Variants in TCTN2 observed in about 807,000 individuals in gnomAD.
TCTN2 encodes the protein tectonic family member 2.
Under a neutral mutation model 83.4 loss-of-function variants are expected in TCTN2, and 66 were observed. The ratio of observed to expected loss-of-function variants is 0.79; its 90% CI spans 0.65 to 0.97. The LOEUF (loss-of-function observed/expected upper bound fraction) is 0.97. TCTN2 is among the 50% of genes least tolerant of loss of function. The pLI is 0.00. For synonymous variants in TCTN2, 301 were observed against 326.7 expected, an observed-to-expected ratio of 0.92 and a Z score of 0.85; for missense variants, 794 against 858.1, an observed-to-expected ratio of 0.93 and a Z score of 0.93.
intron 14 of TCTN2, among the ~76,000 whole-genome samples, chr12:123,700,864 C>T (rs76575894): frequency 6.6e-6 from 1 of 152,172 alleles, no homozygotes; most frequent in South Asian, 2.1e-4. Flanking sequence ...AAGAGGATCG[C>T]TGGAGCCTAG....
intron 14 of TCTN2, among the ~76,000 whole-genome samples, chr12:123,703,356 A>G (rs1956194065): frequency 1.3e-5 from 2 of 151,508 alleles, no homozygotes; most frequent in Non-Finnish European, 2.9e-5. Flanking sequence ...CAATTTTTGT[A>G]TTTTTAGTAG....
At chr12:123,684,779 C>T (rs552824163) in intron 5 of TCTN2, among the ~76,000 whole-genome samples, 16 of 151,936 alleles carry the variant, frequency 1.1e-4, no homozygotes, top group African/African-American at 3.9e-4. Flanking sequence ...CGGCCGGGCA[C>T]GGTGGCTCAC....
At chr12:123,679,354 A>G in intron 5 of TCTN2, 65 bp downstream of exon 5, 1 of 1,412,550 alleles carries the variant, frequency 7.1e-7, no homozygotes. Flanking sequence ...AGTTCCACCA[A>G]CAGCTTTTTT....
chr12:123,685,884 T>G (rs998470196), intron 5 of TCTN2, among the ~76,000 whole-genome samples: 4 of 148,676 alleles, frequency 2.7e-5, no homozygotes. Flanking sequence ...CCACCATGCC[T>G]GGCTAATTTT....
chr12:123,694,793 C>A, intron 9 of TCTN2, 49 bp from the exon 10 acceptor site: 1 of 1,596,622 alleles, frequency 6.3e-7, no homozygotes, highest in Non-Finnish European at 8.6e-7. Flanking sequence ...GTAACAGAGT[C>A]AGGCTCAAAG....
chr12:123,689,552 G>T (rs1477984498), intron 7 of TCTN2, among the ~76,000 whole-genome samples: 1 of 152,088 alleles, frequency 6.6e-6, no homozygotes, highest in Non-Finnish European at 1.5e-5. Flanking sequence ...ACATGAGCAG[G>T]TTTGTTATAT....
In TCTN2 at chr12:123,671,199, G is replaced by A; in HGVS notation, c.-42G>A. On this transcript the variant is annotated 5_prime_UTR_variant, in exon 1 of 18. It removes an upstream start codon present in the reference 5' UTR. Coordinates refer to ENST00000303372, the MANE Select transcript of TCTN2 (RefSeq NM_024809.5). The stretch of plus-strand genomic sequence containing the variant: ...GTCTGAGTCCTTCCTGGGTTCTAAT[G>A]AGGGCGCGGTTCTGCTGTGCCCGGC... 1.9e-6 allele frequency: 3 copies of A among 1,582,936 alleles called. No individual in the cohort carries two copies. Among genetic ancestry groups the A allele is most frequent in the Non-Finnish European group, 2.6e-6 (3 of 1,161,682 alleles).
intron 5 of TCTN2, 38 bp from the exon 6 acceptor site, chr12:123,686,797 AC>A (rs1408577899): frequency 1.2e-6 from 2 of 1,606,228 alleles, no homozygotes; most frequent in East Asian, 4.5e-5. Context: ...GGAGATCCTG[AC>A]CACGGTCACA....
Position 123,671,195 on chromosome 12 carries a change from TA to T in TCTN2, c.-44del. The T allele has an allele frequency of 6.4e-7, 1 of 1,572,468 alleles. No homozygotes were observed. ...TCGTGTCTGAGTCCTTCCTGGGTTC[TA>T]ATGAGGGCGCGGTTCTGCTGTGCCC... On this transcript the variant is annotated 5_prime_UTR_variant, in exon 1 of 18. In the 5' UTR this introduces an upstream ATG that the reference lacks. Coordinates refer to ENST00000303372, the MANE Select transcript of TCTN2 (RefSeq NM_024809.5).
chr12:123,685,863 A>G (rs1338738482), intron 5 of TCTN2, among the ~76,000 whole-genome samples: 1 of 149,648 alleles, frequency 6.7e-6, no homozygotes, highest in Non-Finnish European at 1.5e-5. Context: ...AGCTGGGATC[A>G]CAGATGTCCA....
At chr12:123,695,483 G>A (rs780708090) in intron 11 of TCTN2, 186 bp downstream of exon 11, 115 of 491,704 alleles carry the variant, frequency 2.3e-4, no homozygotes, top group Non-Finnish European at 3.6e-4. Context: ...GTGCAGTGGC[G>A]CAATCTCGGC....
At chr12:123,692,842 TAGAA>T (rs1440798090) in intron 9 of TCTN2, 119 bp downstream of exon 9, 9 of 806,098 alleles carry the variant, frequency 1.1e-5, no homozygotes, top group South Asian at 7.2e-5. Flanking sequence ...TCACAATAGT[TAGAA>T]AGATCTGCCA....
chr12:123,699,882 G>C (rs1390379633), intron 14 of TCTN2, 72 bp downstream of exon 14: 2 of 1,202,036 alleles, frequency 1.7e-6, no homozygotes, highest in Middle Eastern at 1.9e-4. Context: ...CGCAGCATTA[G>C]AGCCCAACCC....
At chr12:123,680,773 TC>T in intron 5 of TCTN2, among the ~76,000 whole-genome samples, 1 of 151,754 alleles carries the variant, frequency 6.6e-6, no homozygotes, top group Admixed American at 6.6e-5. Flanking sequence ...TACCTCGGCC[TC>T]CCAAAGTGCT....
At chr12:123,686,692 G>T (rs1002063975) in intron 5 of TCTN2, 144 bp from the exon 6 acceptor site, 9 of 772,758 alleles carry the variant, frequency 1.2e-5, no homozygotes, top group Admixed American at 1.1e-4. Flanking sequence ...TGGGCACAAG[G>T]CACTTTTAGA....
intron 8 of TCTN2, among the ~76,000 whole-genome samples, chr12:123,691,952 T>A (rs1956047801): frequency 6.6e-6 from 1 of 152,038 alleles, no homozygotes; most frequent in Non-Finnish European, 1.5e-5. Context: ...TGGAGTGCGA[T>A]GGCGCGATCT....
chr12:123,677,928 C>T (rs1955844399), intron 4 of TCTN2, among the ~76,000 whole-genome samples: 1 of 152,178 alleles, frequency 6.6e-6, no homozygotes, highest in Non-Finnish European at 1.5e-5. Flanking sequence ...CTGTGCCTGG[C>T]TACCTGTACA....
intron 15 of TCTN2, 76 bp from the exon 16 acceptor site, chr12:123,706,650 G>T: frequency 6.2e-7 from 1 of 1,606,770 alleles, no homozygotes. Context: ...TATTGTGATT[G>T]CATCCGTTAC....
chr12:123,680,087 G>A (rs969729300), intron 5 of TCTN2, among the ~76,000 whole-genome samples: 1 of 151,758 alleles, frequency 6.6e-6, no homozygotes, highest in African/African-American at 2.4e-5. Flanking sequence ...GCGCAGTGGC[G>A]CATACCTGTA....
Sources: allele counts gnomAD v4.1 joint callset (sites outside exome capture counted in the v4.1 genomes callset), GRCh38; gene constraint gnomAD v4.1.1; transcripts MANE v1.5; gene names NCBI Gene and HGNC (gene_info 2026-07-23, HGNC 2026-07-21).